The following CSMD1 variants were observed in gnomAD, a reference collection of about 807,000 sequenced individuals.
CSMD1 encodes the protein CUB and Sushi multiple domains 1, also known as CUB and sushi domain-containing protein 1.
In CSMD1, 213 loss-of-function variants were observed where a neutral mutation model predicts 417.5. The observed-to-expected ratio is 0.51, with a 90% CI of 0.46 to 0.57. The LOEUF (loss-of-function observed/expected upper bound fraction) is 0.57, where lower values mean the gene tolerates loss of function less well. Ranked by LOEUF, CSMD1 falls within the 20% of genes least tolerant of loss-of-function variation. The pLI, the probability that CSMD1 is intolerant of heterozygous loss-of-function variation, is 0.00. For synonymous variants in CSMD1, 2,862 were observed against 1,736.8 expected, an observed-to-expected ratio of 1.65 and a Z score of -16.11; for missense variants, 6,923 against 4,529.7, an observed-to-expected ratio of 1.53 and a Z score of -15.17.
At chr8:3,272,003 C>A (rs62505048) in intron 26 of CSMD1, among the ~76,000 whole-genome samples, 44,966 of 151,620 alleles carry the variant, frequency 0.3, 6,747 homozygotes, top group Non-Finnish European at 0.32. Flanking sequence ...GCAGTCCTTG[C>A]CCATGCCTAT....
intron 12 of CSMD1, among the ~76,000 whole-genome samples, chr8:3,427,331 G>C (rs750241949): frequency 5.9e-5 from 9 of 152,108 alleles, no homozygotes; most frequent in African/African-American, 9.7e-5. Flanking sequence ...TCCTGGAAAT[G>C]AATCAGTACT....
chr8:3,735,071 C>A (rs919881930), intron 6 of CSMD1, among the ~76,000 whole-genome samples: 1 of 152,190 alleles, frequency 6.6e-6, no homozygotes, highest in Non-Finnish European at 1.5e-5. Context: ...TGGGAGGACA[C>A]ACGCCAGCCA....
chr8:3,042,128 G>C (rs1811138983), intron 50 of CSMD1, among the ~76,000 whole-genome samples: 1 of 152,082 alleles, frequency 6.6e-6, no homozygotes, highest in South Asian at 2.1e-4. Flanking sequence ...GAGGGTGATG[G>C]GGACAATTCT....
intron 3 of CSMD1, among the ~76,000 whole-genome samples, chr8:4,389,770 T>C (rs567761228): frequency 2.6e-4 from 39 of 152,184 alleles, no homozygotes; most frequent in Non-Finnish European, 5.1e-4. Context: ...GCTTCTTTAT[T>C]TTTGAAACCT....
chr8:3,877,672 C>G (rs570634816), intron 5 of CSMD1, among the ~76,000 whole-genome samples: 4 of 123,516 alleles, frequency 3.2e-5, no homozygotes, highest in South Asian at 2.3e-4. Flanking sequence ...GAATAAGGGT[C>G]TGAGCACATG....
intron 2 of CSMD1, among the ~76,000 whole-genome samples, chr8:4,480,534 T>G (rs1801041353): frequency 6.6e-6 from 1 of 152,238 alleles, no homozygotes; most frequent in South Asian, 2.1e-4. Flanking sequence ...TCCGCCTTTT[T>G]GCACCATGCG....
At chr8:3,926,014 TACAC>T (rs10635075) in intron 5 of CSMD1, among the ~76,000 whole-genome samples, 73 of 123,456 alleles carry the variant, frequency 5.9e-4, no homozygotes, top group Middle Eastern at 3.9e-3. Context: ...TATTTGTCTA[TACAC>T]ACACACACAC....
chr8:3,236,904 G>A (rs1300913266), intron 26 of CSMD1, among the ~76,000 whole-genome samples: 1 of 152,006 alleles, frequency 6.6e-6, no homozygotes, highest in African/African-American at 2.4e-5. Flanking sequence ...TTTCCCACAG[G>A]CGTTCCCTGG....
At chr8:4,361,316 A>G (rs1290993643) in intron 3 of CSMD1, among the ~76,000 whole-genome samples, 2 of 152,198 alleles carry the variant, frequency 1.3e-5, no homozygotes, top group African/African-American at 4.8e-5. Flanking sequence ...TATTTTTAAA[A>G]TATTAGATAA....
chr8:3,903,475 A>G (rs771490951), intron 5 of CSMD1, among the ~76,000 whole-genome samples: 2 of 152,204 alleles, frequency 1.3e-5, no homozygotes, highest in Admixed American at 6.5e-5. Flanking sequence ...GAAAGTCTAA[A>G]GTGGTATTAT....
intron 8 of CSMD1, among the ~76,000 whole-genome samples, chr8:3,593,165 C>T (rs532110332): frequency 6.6e-6 from 1 of 152,276 alleles, no homozygotes; most frequent in Admixed American, 6.5e-5. Flanking sequence ...GGCGTGGAGG[C>T]TGTGGAAGCC....
At chr8:4,079,262 G>A (rs904218097) in intron 3 of CSMD1, among the ~76,000 whole-genome samples, 4 of 152,164 alleles carry the variant, frequency 2.6e-5, no homozygotes, top group African/African-American at 9.7e-5. Flanking sequence ...GGAGAATAAA[G>A]TATAGGAGTT....
chr8:4,752,684 G>A (rs537078990), intron 1 of CSMD1, among the ~76,000 whole-genome samples: 1 of 152,078 alleles, frequency 6.6e-6, no homozygotes, highest in East Asian at 1.9e-4. Context: ...TGGTGAAATG[G>A]GATTGCTCTA....
chr8:3,817,386 T>C (rs569455023), intron 5 of CSMD1, among the ~76,000 whole-genome samples: 1 of 148,500 alleles, frequency 6.7e-6, no homozygotes, highest in South Asian at 2.2e-4. Context: ...GTTCAAGTTA[T>C]TCTTCTGCCT....
intron 1 of CSMD1, among the ~76,000 whole-genome samples, chr8:4,908,740 A>T (rs1490340466): frequency 7.5e-5 from 2 of 26,718 alleles, no homozygotes; most frequent in African/African-American, 2.4e-4. Context: ...TTTTCTAGTA[A>T]TTCATTTTGA....
chr8:3,663,989 C>G (rs1019492162), intron 7 of CSMD1, among the ~76,000 whole-genome samples: 8 of 152,202 alleles, frequency 5.3e-5, no homozygotes, highest in Non-Finnish European at 1.2e-4. Flanking sequence ...TATTGTAAAT[C>G]TTCAGCCATT....
chr8:4,313,957 C>A (rs1355196447), intron 3 of CSMD1, among the ~76,000 whole-genome samples: 1 of 151,584 alleles, frequency 6.6e-6, no homozygotes, highest in African/African-American at 2.4e-5. Context: ...GAGGTTGCAG[C>A]GAGCCGAGAC....
chr8:3,090,089 C>A (rs933453182), intron 48 of CSMD1, among the ~76,000 whole-genome samples: 2 of 151,448 alleles, frequency 1.3e-5, no homozygotes, highest in Non-Finnish European at 2.9e-5. Flanking sequence ...CCGAGGCGGC[C>A]GGATCACAAG....
At chr8:3,366,152 C>T (rs1156391210) in intron 20 of CSMD1, among the ~76,000 whole-genome samples, 2 of 152,262 alleles carry the variant, frequency 1.3e-5, no homozygotes, top group Admixed American at 6.5e-5. Context: ...AAACCCTCTT[C>T]GTCCAAAGCA....
Sources: gnomAD v4.1 joint callset for allele counts (sites outside exome capture counted in the v4.1 genomes callset) on GRCh38, gnomAD v4.1.1 for gene constraint, MANE v1.5 for transcripts, NCBI Gene and HGNC (gene_info 2026-07-23, HGNC 2026-07-21) for gene names.